POU2F1: variants seen among roughly 807,000 people sequenced by gnomAD.
POU2F1 encodes POU class 2 homeobox 1.
Under a neutral mutation model 84.9 loss-of-function variants are expected in POU2F1, and 16 were observed. The ratio of observed to expected loss-of-function variants is 0.19; its 90% CI spans 0.13 to 0.29. The LOEUF (loss-of-function observed/expected upper bound fraction) is 0.29, where lower values mean the gene tolerates loss of function less well. POU2F1 is among the 10% of genes least tolerant of loss of function. POU2F1 has a pLI of 1.00. For missense variants in POU2F1, 738 were observed against 942.6 expected, an observed-to-expected ratio of 0.78 and a Z score of 2.84; for synonymous variants, 368 against 368.3, an observed-to-expected ratio of 1.00 and a Z score of 0.01.
chr1:167,416,087 T>TAAAAAAAAAAAAAAAAAAAACAAAAAAA lies in POU2F1; in HGVS notation c.*296_*297insACAAAAAAAAAAAAAAAAAAAAAAAAAA. On this transcript the variant is annotated 3_prime_UTR_variant, in exon 16 of 16. Transcript: ENST00000367866. Reference sequence around the variant, plus strand: ...ATTGGAGAACTTTCTAACCAAAAATTAAAAAAAAAAAAAAAAAAAGAAACA... The same window carrying TAAAAAAAAAAAAAAAAAAAACAAAAAAA: ...ATTGGAGAACTTTCTAACCAAAAATTAAAAAAAAAAAAAAAAAAAACAAAAAAAAAAAAAAAAAAAAAAAAAAGAAACA... 5.7e-6 allele frequency: 2 copies of TAAAAAAAAAAAAAAAAAAAACAAAAAAA among 351,044 alleles called. No individual in the cohort carries two copies. Among genetic ancestry groups the TAAAAAAAAAAAAAAAAAAAACAAAAAAA allele is most frequent in the South Asian group, 2.1e-5 (1 of 47,078 alleles). The allele number at this position is 351,044 out of a possible 1,614,324, so 21.7% of individuals were successfully genotyped here. A position where few individuals can be genotyped will look rare whatever the true frequency, so the allele number is the denominator to read the frequency against.
At chr1:167,294,208 G>T (rs972032524) in intron 1 of POU2F1, among the ~76,000 whole-genome samples, 10 of 149,644 alleles carry the variant, frequency 6.7e-5, no homozygotes. Flanking sequence ...AATTAGCCAG[G>T]TGTGGTGGCG....
At chr1:167,320,738 G>A (rs1346980209) in intron 1 of POU2F1, among the ~76,000 whole-genome samples, 1 of 152,162 alleles carries the variant, frequency 6.6e-6, no homozygotes, top group Non-Finnish European at 1.5e-5. Flanking sequence ...GAAAAAATTA[G>A]CAAATCTAGA....
intron 1 of POU2F1, among the ~76,000 whole-genome samples, chr1:167,237,491 G>A (rs1333410646): frequency 3.3e-5 from 5 of 151,700 alleles, no homozygotes; most frequent in African/African-American, 7.3e-5. Context: ...TTCATCTGCC[G>A]GTATGTTATT....
intron 1 of POU2F1, among the ~76,000 whole-genome samples, chr1:167,288,441 G>A (rs1653684278): frequency 6.6e-6 from 1 of 152,120 alleles, no homozygotes; most frequent in Admixed American, 6.6e-5. Context: ...GAGTGGCTAG[G>A]TTTCTTAAAA....
intron 1 of POU2F1, among the ~76,000 whole-genome samples, chr1:167,296,375 C>A (rs1432553275): frequency 1.3e-5 from 2 of 152,066 alleles, no homozygotes; most frequent in African/African-American, 4.8e-5. Flanking sequence ...GTGGTTCTTA[C>A]TTGTTTTTAA....
intron 13 of POU2F1, among the ~76,000 whole-genome samples, chr1:167,407,947 C>T (rs1458062549): frequency 6.6e-6 from 1 of 152,112 alleles, no homozygotes; most frequent in African/African-American, 2.4e-5. Context: ...CTTCAAAAGC[C>T]ACAGACTGAG....
rs539121260 is a variant in POU2F1 at position 167,416,871 on chromosome 1, T to G, written c.*1061T>G. The G allele has an allele frequency of 6.6e-6, 1 of 152,384 alleles. No individual in the cohort carries two copies. The highest frequency in any genetic ancestry group is 2.4e-5 in the African/African-American group (1 of 41,588). 9.4% of individuals were successfully genotyped at this position (152,384 alleles called of 1,614,324 possible). A position where few individuals can be genotyped will look rare whatever the true frequency, so the allele number is the denominator to read the frequency against. On this transcript the variant is annotated 3_prime_UTR_variant, in exon 16 of 16. Transcript: ENST00000367866. ...GGATTTGGTTCCCAAGAGCAAAGAC[T>G]ACTGCAGACACCTGACTTGGTGGTT...
At chr1:167,338,070 AG>A (rs964915566) in intron 2 of POU2F1, 86 of 449,136 alleles carry the variant, frequency 1.9e-4, no homozygotes, top group African/African-American at 1.5e-3. Flanking sequence ...AAAGCAAAAA[AG>A]TCAGAAATTA....
At chr1:167,303,988 T>C (rs539053237) in intron 1 of POU2F1, among the ~76,000 whole-genome samples, 3 of 152,236 alleles carry the variant, frequency 2.0e-5, no homozygotes, top group Non-Finnish European at 4.4e-5. Flanking sequence ...GTAATGAGAA[T>C]ATTACATTTT....
At chr1:167,287,977 A>T (rs1459025333) in intron 1 of POU2F1, among the ~76,000 whole-genome samples, 1 of 152,268 alleles carries the variant, frequency 6.6e-6, no homozygotes, top group Non-Finnish European at 1.5e-5. Context: ...CGATCAAGTT[A>T]TAAAATACTG....
At chr1:167,411,573 TGAG>T (rs1649971615) in intron 13 of POU2F1, among the ~76,000 whole-genome samples, 1 of 152,190 alleles carries the variant, frequency 6.6e-6, no homozygotes. Context: ...TTGATTTTTC[TGAG>T]GAGACCCCTA....
chr1:167,229,162 AT>A (rs5778543), intron 1 of POU2F1, among the ~76,000 whole-genome samples: 27 of 149,330 alleles, frequency 1.8e-4, no homozygotes, highest in African/African-American at 3.9e-4. Context: ...AAGTCACTGA[AT>A]TTTTTTTTTT....
intron 1 of POU2F1, among the ~76,000 whole-genome samples, chr1:167,238,128 C>CT (rs1261452713): frequency 6.6e-6 from 1 of 151,740 alleles, no homozygotes; most frequent in Admixed American, 6.6e-5. Context: ...CTCATGTGAC[C>CT]TTTTTTCTGA....
At chr1:167,289,550 G>A (rs1653770328) in intron 1 of POU2F1, among the ~76,000 whole-genome samples, 1 of 152,218 alleles carries the variant, frequency 6.6e-6, no homozygotes, top group Non-Finnish European at 1.5e-5. Context: ...AAGGCTGTAA[G>A]GTGCTTGTGA....
At chr1:167,221,825 C>G (rs1424588222) in intron 1 of POU2F1, among the ~76,000 whole-genome samples, 1 of 151,900 alleles carries the variant, frequency 6.6e-6, no homozygotes, top group Non-Finnish European at 1.5e-5. Flanking sequence ...CGTGCCCCCC[C>G]TGGGGGGTGG....
intron 1 of POU2F1, among the ~76,000 whole-genome samples, chr1:167,243,306 C>G (rs766567662): frequency 5.9e-5 from 9 of 152,112 alleles, no homozygotes; most frequent in Non-Finnish European, 1.2e-4. Context: ...TGTAAAAGCC[C>G]TTCCTCATGT....
At chr1:167,257,051 T>C (rs1651190647) in intron 1 of POU2F1, among the ~76,000 whole-genome samples, 1 of 152,234 alleles carries the variant, frequency 6.6e-6, no homozygotes, top group East Asian at 1.9e-4. Context: ...TGCTATCTAT[T>C]GCTCAAGGTA....
chr1:167,374,886 T>C (rs1007443534), intron 6 of POU2F1, among the ~76,000 whole-genome samples: 1 of 152,110 alleles, frequency 6.6e-6, no homozygotes, highest in East Asian at 1.9e-4. Flanking sequence ...GCTAACACGG[T>C]GAAACCCCAT....
intron 1 of POU2F1, chr1:167,329,439 A>G: frequency 9.8e-7 from 1 of 1,021,868 alleles, no homozygotes; most frequent in East Asian, 3.2e-5. Flanking sequence ...TGAGCAGGGA[A>G]GGAGGAAAGC....
Sources: allele counts gnomAD v4.1 joint callset (sites outside exome capture counted in the v4.1 genomes callset), GRCh38; gene constraint gnomAD v4.1.1; transcripts MANE v1.5; gene names NCBI Gene and HGNC (gene_info 2026-07-23, HGNC 2026-07-21).